Variants in RYR2 observed in about 807,000 individuals in gnomAD.
The protein encoded by RYR2 is ryanodine receptor 2.
Under a neutral mutation model 601.1 loss-of-function variants are expected in RYR2, and 227 were observed. The observed-to-expected ratio is 0.38, with a 90% CI of 0.34 to 0.42. RYR2 has a LOEUF of 0.42. Ranked by LOEUF, RYR2 falls within the 10% of genes least tolerant of loss-of-function variation. The probability of loss-of-function intolerance (pLI) is 1.00; values close to 1 mark genes in which losing one functional copy is unlikely to be tolerated. For synonymous variants in RYR2, 2,223 were observed against 2,175.1 expected, an observed-to-expected ratio of 1.02 and a Z score of -0.61; for missense variants, 4,646 against 6,156.5, an observed-to-expected ratio of 0.75 and a Z score of 8.21.
chr1:237,830,476 T>A, intron 102 of RYR2, 54 bp from the exon 103 acceptor site: 1 of 1,074,438 alleles, frequency 9.3e-7, no homozygotes, highest in East Asian at 2.4e-5. Context: ...AGTTGTGTTT[T>A]CCTTTTGTTT....
chr1:237,325,006 C>T (rs1696011339), intron 2 of RYR2, among the ~76,000 whole-genome samples: 1 of 152,134 alleles, frequency 6.6e-6, no homozygotes, highest in Non-Finnish European at 1.5e-5. Context: ...TTTGATTTTC[C>T]AGAAATAGAT....
At chr1:237,790,417 CTTTCTAACGGGTCCTCTTGCTTT>C (rs1311636946) in intron 92 of RYR2, among the ~76,000 whole-genome samples, 1 of 152,130 alleles carries the variant, frequency 6.6e-6, no homozygotes, top group Non-Finnish European at 1.5e-5. Flanking sequence ...CTTGTACTAA[CTTTCTAACGGGTCCTCTTGCTTT>C]CACTGTTGTT....
chr1:237,600,642 CAATT>C (rs57478071), intron 34 of RYR2, among the ~76,000 whole-genome samples: 52,617 of 151,680 alleles, frequency 0.35, 10,865 homozygotes, highest in Admixed American at 0.48. Flanking sequence ...GCCAAGGAAA[CAATT>C]AACAGAGTGA....
intron 29 of RYR2, among the ~76,000 whole-genome samples, chr1:237,589,191 C>T (rs1674872331): frequency 6.6e-6 from 1 of 152,062 alleles, no homozygotes; most frequent in Non-Finnish European, 1.5e-5. Flanking sequence ...GTATTTTTCC[C>T]CCATGCTTAG....
rs576346956 is a variant in RYR2, at chr1:237,554,121, T to G, written c.3214+3430T>G. Reference sequence around the variant, plus strand: ...GATGTTTCACCATTAAGTATGATGTTAAGTATAGCTTTTTATAGCTGTCCT... The same window carrying G: ...GATGTTTCACCATTAAGTATGATGTGAAGTATAGCTTTTTATAGCTGTCCT... On this transcript the variant is annotated intron_variant, in intron 27 of 104. Coordinates refer to ENST00000366574, the MANE Select transcript of RYR2 (RefSeq NM_001035.3). 6.6e-5 allele frequency among the ~76,000 whole-genome samples: 10 copies of G among 152,090 alleles called. No homozygotes were observed. The South Asian group carries it at 2.1e-3, about 31-fold the overall frequency.
intron 34 of RYR2, among the ~76,000 whole-genome samples, chr1:237,600,774 G>A (rs748400414): frequency 2.0e-5 from 3 of 151,952 alleles, no homozygotes; most frequent in Admixed American, 6.6e-5. Context: ...GATTTAAAAG[G>A]GGGCAAAAGA....
At chr1:237,392,311 T>C (rs1702452568) in intron 10 of RYR2, among the ~76,000 whole-genome samples, 1 of 152,040 alleles carries the variant, frequency 6.6e-6, no homozygotes, top group Non-Finnish European at 1.5e-5. Flanking sequence ...AAAAAATAAC[T>C]AAAAGAGTGT....
intron 1 of RYR2, among the ~76,000 whole-genome samples, chr1:237,087,601 T>C (rs912930613): frequency 3.9e-5 from 6 of 152,160 alleles, no homozygotes; most frequent in Non-Finnish European, 7.4e-5. Flanking sequence ...GAGATGTCAA[T>C]AAGCAGAAAA....
intron 10 of RYR2, among the ~76,000 whole-genome samples, chr1:237,396,796 C>T (rs1416532569): frequency 1.3e-5 from 2 of 152,136 alleles, no homozygotes; most frequent in Non-Finnish European, 2.9e-5. Flanking sequence ...CAAAAGAGAA[C>T]CTGGGCCTAA....
chr1:237,375,594 G>T (rs548808359), intron 7 of RYR2, among the ~76,000 whole-genome samples: 22 of 152,130 alleles, frequency 1.4e-4, no homozygotes, highest in African/African-American at 5.3e-4. Flanking sequence ...CAACAAAAAG[G>T]TGAAAACAAA....
intron 1 of RYR2, among the ~76,000 whole-genome samples, chr1:237,081,280 T>TTAAA (rs1553284184): frequency 2.1e-4 from 12 of 56,212 alleles, no homozygotes; most frequent in South Asian, 9.0e-4. Context: ...TAGAGTATAA[T>TTAAA]AAAAAAAAAA....
intron 1 of RYR2, among the ~76,000 whole-genome samples, chr1:237,249,044 C>T (rs1011865241): frequency 2.0e-5 from 3 of 152,094 alleles, no homozygotes; most frequent in Non-Finnish European, 4.4e-5. Context: ...GGATTATAGG[C>T]GTGAGCCATT....
At chr1:237,661,569 A>G (rs941971920) in intron 56 of RYR2, among the ~76,000 whole-genome samples, 11 of 152,164 alleles carry the variant, frequency 7.2e-5, no homozygotes, top group Admixed American at 5.2e-4. Context: ...ACAGTACATC[A>G]TGTTCGTTTG....
intron 16 of RYR2, among the ~76,000 whole-genome samples, chr1:237,464,099 C>G (rs1022576934): frequency 6.6e-6 from 1 of 152,098 alleles, no homozygotes; most frequent in Non-Finnish European, 1.5e-5. Flanking sequence ...TGCAGAATAA[C>G]ACGTGTGTAC....
intron 61 of RYR2, among the ~76,000 whole-genome samples, chr1:237,679,935 C>G (rs186383797): frequency 2.0e-5 from 3 of 152,022 alleles, no homozygotes; most frequent in African/African-American, 7.2e-5. Flanking sequence ...ATGAAACATG[C>G]GTAGAAATGG....
chr1:237,698,859 T>G, intron 63 of RYR2, 106 bp from the exon 64 acceptor site: 1 of 600,954 alleles, frequency 1.7e-6, no homozygotes, highest in Non-Finnish European at 2.9e-6. Flanking sequence ...TTTTAAAATA[T>G]TACTGTTGTG....
intron 25 of RYR2, among the ~76,000 whole-genome samples, chr1:237,540,472 C>T (rs1255600398): frequency 3.3e-5 from 5 of 151,974 alleles, no homozygotes; most frequent in South Asian, 2.1e-4. Flanking sequence ...GTTGGGAGGC[C>T]GAGGCGGTCA....
rs372620246 is a variant in RYR2 at position 237,456,641 on chromosome 1, C to T, written c.1518C>T (p.His506=). Residue 506 remains histidine, a synonymous_variant, in exon 16 of 105, where the codon CAC becomes CAT. Transcript: ENST00000366574. ...TGCTTGAGTGCATAGACCGTTTGCACGTCTACAGCAGTGCAGCACACTTTG... is the reference window on the plus strand; with the variant it reads ...TGCTTGAGTGCATAGACCGTTTGCATGTCTACAGCAGTGCAGCACACTTTG... ...NLVLECIDRL[H]VYSSAAHFAD... 205 of 1,608,938 alleles carry T rather than the reference C, an allele frequency of 1.3e-4. No homozygotes were observed. Among genetic ancestry groups the T allele is most frequent in the Non-Finnish European group, 1.6e-4 (192 of 1,177,134 alleles).
Position 237,642,025 on chromosome 1 carries a change from T to A in RYR2, c.7221+1023T>A, listed in dbSNP as rs573566318. 1.2e-4 allele frequency among the ~76,000 whole-genome samples: 18 copies of A among 152,306 alleles called. No individual in the cohort carries two copies. In the South Asian group the frequency reaches 2.9e-3, roughly 25 times the overall value. ...AGGGCCCAAAACATTCATTTCCAGA[T>A]CTTTTAATGGGAAACAAACCCAGAG... On this transcript the variant is annotated intron_variant, in intron 47 of 104. Transcript: ENST00000366574.
Sources: gnomAD v4.1 joint callset for allele counts (sites outside exome capture counted in the v4.1 genomes callset) on GRCh38, gnomAD v4.1.1 for gene constraint, MANE v1.5 for transcripts, NCBI Gene and HGNC (gene_info 2026-07-23, HGNC 2026-07-21) for gene names.